Variants in PLCG2 observed in about 807,000 individuals in gnomAD.
PLCG2 encodes 1-phosphatidylinositol 4,5-bisphosphate phosphodiesterase gamma-2.
In PLCG2, 69 loss-of-function variants were observed where a neutral mutation model predicts 175.6. The ratio of observed to expected loss-of-function variants is 0.39; its 90% CI spans 0.32 to 0.48. PLCG2 has a LOEUF of 0.48. Among genes scored for constraint, PLCG2 ranks in the 20% least tolerant of loss-of-function variants. The pLI is 0.91. For missense variants in PLCG2, 1,798 were observed against 1,650.9 expected (o/e 1.09, Z -1.54); for synonymous variants, 827 against 624.0 (o/e 1.33, Z -4.85).
chr16:81,938,637 C>T, intron 28 of PLCG2, 164 bp from the exon 29 acceptor site: 1 of 600,270 alleles, frequency 1.7e-6, no homozygotes, highest in South Asian at 2.0e-5. Flanking sequence ...CACAGTCCAC[C>T]TTCATCCACT....
At chr16:81,832,578 A>G (rs1488935153) in intron 2 of PLCG2, among the ~76,000 whole-genome samples, 1 of 151,862 alleles carries the variant, frequency 6.6e-6, no homozygotes, top group Non-Finnish European at 1.5e-5. Flanking sequence ...GTGTGTATGT[A>G]TTTTTTGTGG....
Position 81,921,225 on chromosome 16 carries a change from G to T in PLCG2, c.2263G>T (p.Val755Phe). 1 of 1,605,014 alleles carries T rather than the reference G, an allele frequency of 6.2e-7. No individual in the cohort carries two copies. Among genetic ancestry groups the T allele is most frequent in the Non-Finnish European group, 8.5e-7 (1 of 1,172,024 alleles). The change falls in exon 21 of 33, where the codon GTC becomes TTC. Residue 755 changes from valine (V) to phenylalanine (F), a missense_variant. Transcript: ENST00000564138. ...AAGAGATATAAACTCCCTCTACGAC[G>T]TCAGCAGAATGTATGTGGATCCCAG... ...MERDINSLYDVSRMYVDPSEI... is the reference protein window; with the variant it reads ...MERDINSLYDFSRMYVDPSEI...
chr16:81,940,139 A>C, intron 30 of PLCG2, 80 bp downstream of exon 30: 1 of 1,274,974 alleles, frequency 7.8e-7, no homozygotes, highest in Non-Finnish European at 1.1e-6. Context: ...AAAAGAATGA[A>C]AAATGATTTT....
intron 23 of PLCG2, 129 bp from the exon 24 acceptor site, chr16:81,928,429 C>T (rs540989009): frequency 5.9e-6 from 4 of 673,202 alleles, no homozygotes; most frequent in Admixed American, 2.0e-5. Flanking sequence ...ATGGACGTAT[C>T]TGGTAATGAA....
At chr16:81,937,501 A>C in intron 27 of PLCG2, 1 of 358,136 alleles carries the variant, frequency 2.8e-6, no homozygotes, top group South Asian at 6.1e-5. Context: ...ATTTATTGCT[A>C]CATAGACACT....
At chr16:81,947,516 T>C (rs1054402014) in intron 31 of PLCG2, among the ~76,000 whole-genome samples, 1 of 152,192 alleles carries the variant, frequency 6.6e-6, no homozygotes. Flanking sequence ...TCATACCTTT[T>C]ATTTATCACC....
chr16:81,939,965 G>C lies in PLCG2; in HGVS notation c.3387G>C (p.Leu1129=), dbSNP rs765565271. The C allele has an allele frequency of 6.2e-7, 1 of 1,613,898 alleles. No homozygotes were observed. The highest frequency in any genetic ancestry group is 8.5e-7 in the Non-Finnish European group (1 of 1,179,774). Residue 1129 remains leucine, a synonymous_variant, in exon 30 of 33, where the codon CTG becomes CTC. Coordinates refer to ENST00000564138, the MANE Select transcript of PLCG2 (RefSeq NM_002661.5). ...KVTFEIYDPN[L]AFLRFVVYEE... ...CATTTGAAATTTATGACCCAAACCT[G>C]GCATTTCTGCGCTTTGTGGTTTATG...
At chr16:81,820,872 C>T (rs1338743804) in intron 2 of PLCG2, among the ~76,000 whole-genome samples, 1 of 151,688 alleles carries the variant, frequency 6.6e-6, no homozygotes, top group African/African-American at 2.4e-5. Flanking sequence ...CCGCCCACCT[C>T]AGCCTCCTGA....
intron 2 of PLCG2, among the ~76,000 whole-genome samples, chr16:81,803,188 G>C (rs910559009): frequency 6.9e-6 from 1 of 144,370 alleles, no homozygotes; most frequent in Non-Finnish European, 1.5e-5. Flanking sequence ...GCATGATCTC[G>C]GCTCACTGCA....
intron 2 of PLCG2, among the ~76,000 whole-genome samples, chr16:81,826,290 C>T (rs1905045903): frequency 1.3e-5 from 2 of 152,142 alleles, no homozygotes; most frequent in South Asian, 4.1e-4. Flanking sequence ...GGCAAGGCTC[C>T]AGGATCCTAG....
intron 8 of PLCG2, among the ~76,000 whole-genome samples, chr16:81,882,777 C>CCA (rs1908152185): frequency 1.3e-5 from 2 of 152,112 alleles, no homozygotes; most frequent in Non-Finnish European, 2.9e-5. Context: ...CTGGCTCACC[C>CCA]CACCTCGTTC....
At chr16:81,917,188 C>T (rs1203093456) in intron 19 of PLCG2, among the ~76,000 whole-genome samples, 3 of 149,746 alleles carry the variant, frequency 2.0e-5, no homozygotes, top group Admixed American at 2.0e-4. Flanking sequence ...GCACAATGTC[C>T]TCCAGGTTCA....
chr16:81,745,707 C>G (rs1909690402), intron 1 of PLCG2, among the ~76,000 whole-genome samples: 1 of 152,222 alleles, frequency 6.6e-6, no homozygotes, highest in South Asian at 2.1e-4. Flanking sequence ...CAATGTTTCG[C>G]ATTTTCCCTG....
chr16:81,768,642 T>A (rs1910206275), intron 2 of PLCG2, among the ~76,000 whole-genome samples: 1 of 142,062 alleles, frequency 7.0e-6, no homozygotes, highest in African/African-American at 2.6e-5. Context: ...CTCAGCTCAC[T>A]GCAACCTCCG....
intron 2 of PLCG2, among the ~76,000 whole-genome samples, chr16:81,835,121 C>T (rs1905447734): frequency 6.6e-6 from 1 of 152,140 alleles, no homozygotes; most frequent in Non-Finnish European, 1.5e-5. Context: ...GTTATTGATT[C>T]ACTGTGTGAC....
At chr16:81,861,075 C>G (rs1010005609) in intron 5 of PLCG2, among the ~76,000 whole-genome samples, 1 of 152,138 alleles carries the variant, frequency 6.6e-6, no homozygotes, top group Non-Finnish European at 1.5e-5. Context: ...AAACCAAACC[C>G]TACCATTTAT....
intron 2 of PLCG2, among the ~76,000 whole-genome samples, chr16:81,793,275 C>A (rs1199206305): frequency 6.6e-6 from 1 of 152,176 alleles, no homozygotes; most frequent in Non-Finnish European, 1.5e-5. Context: ...GCTTGTGGTA[C>A]TGTTGGGCAT....
At chr16:81,914,826 T>A (rs1297495666) in intron 19 of PLCG2, among the ~76,000 whole-genome samples, 5 of 152,146 alleles carry the variant, frequency 3.3e-5, no homozygotes, top group Non-Finnish European at 7.4e-5. Flanking sequence ...TCAGCAAGGA[T>A]GGCCGCTCCC....
At chr16:81,832,645 TCTC>T (rs2143391370) in intron 2 of PLCG2, among the ~76,000 whole-genome samples, 1 of 152,306 alleles carries the variant, frequency 6.6e-6, no homozygotes, top group Admixed American at 6.5e-5. Flanking sequence ...CTGAAGCCAT[TCTC>T]CTGCCTCAGC....
Sources: allele counts gnomAD v4.1 joint callset (sites outside exome capture counted in the v4.1 genomes callset), GRCh38; gene constraint gnomAD v4.1.1; transcripts MANE v1.5; gene names NCBI Gene and HGNC (gene_info 2026-07-23, HGNC 2026-07-21).